Variants in CUX1 observed in about 807,000 individuals in gnomAD.
The protein encoded by CUX1 is protein CASP.
CUX1 carries 31 observed loss-of-function variants against 158.8 expected under a neutral mutation model. That is an observed-to-expected ratio of 0.20 (90% CI 0.15 to 0.26). CUX1 has a LOEUF of 0.26. CUX1 is among the 10% of genes least tolerant of loss of function. The pLI is 1.00. For synonymous variants in CUX1, 879 were observed against 862.1 expected (o/e 1.02, Z -0.34); for missense variants, 1,589 against 2,014.6 (o/e 0.79, Z 4.04).
chr7:101,884,193 C>CAAA (rs1799995738), intron 1 of CUX1, among the ~76,000 whole-genome samples: 1 of 152,134 alleles, frequency 6.6e-6, no homozygotes, highest in South Asian at 2.1e-4. Context: ...TGCTTTTGGC[C>CAAA]AATTTTTAGT....
intron 2 of CUX1, among the ~76,000 whole-genome samples, chr7:102,027,302 G>A (rs1820158319): frequency 6.6e-6 from 1 of 152,142 alleles, no homozygotes; most frequent in Non-Finnish European, 1.5e-5. Flanking sequence ...AAACCCAGAA[G>A]GCAGAGGTTG....
chr7:102,009,383 T>G (rs1460899886), intron 2 of CUX1, among the ~76,000 whole-genome samples: 2 of 152,182 alleles, frequency 1.3e-5, no homozygotes, highest in African/African-American at 2.4e-5. Flanking sequence ...ATGTACACAC[T>G]GAAGAAAGGC....
rs782099559 is a variant in CUX1, at chr7:102,227,551, G to T, written c.3315G>T (p.Pro1105=). The change falls in exon 21 of 24, where the codon CCG becomes CCT. Residue 1105 remains proline (P), a synonymous_variant. Coordinates refer to ENST00000292535, the MANE Select transcript of CUX1 (RefSeq NM_181552.4). ...PPASDSQPTT[P]LPLSGHSALS... is the part of the protein sequence containing the mutation. Reference sequence around the variant, plus strand: ...CATCCGACTCCCAGCCCACAACCCCGCTGCCTCTCTCCGGACACTCGGCCC... The same window carrying T: ...CATCCGACTCCCAGCCCACAACCCCTCTGCCTCTCTCCGGACACTCGGCCC... The T allele has an allele frequency of 1.9e-6, 3 of 1,614,082 alleles. No individual in the cohort carries two copies. In the African/African-American group the frequency reaches 4.0e-5, roughly 22 times the overall value.
chr7:101,915,686 G>C (rs1804109639), intron 1 of CUX1, among the ~76,000 whole-genome samples: 1 of 152,174 alleles, frequency 6.6e-6, no homozygotes, highest in Non-Finnish European at 1.5e-5. Flanking sequence ...GGATAGATCA[G>C]CAGAAGGACT....
intron 2 of CUX1, among the ~76,000 whole-genome samples, chr7:101,956,020 A>C (rs1371464602): frequency 7.2e-5 from 11 of 152,008 alleles, no homozygotes; most frequent in Admixed American, 7.2e-4. Context: ...GTCTCTACTA[A>C]AAATACAAAA....
In CUX1 at chr7:102,248,884, A is replaced by C. The variant is rs1485168101; in HGVS notation, c.4360A>C (p.Ser1454Arg). 7.2e-7 allele frequency: 1 copy of C among 1,382,122 alleles called. No individual in the cohort carries two copies. The highest frequency in any genetic ancestry group is 9.4e-7 in the Non-Finnish European group (1 of 1,060,072). 85.6% of individuals were successfully genotyped at this position (1,382,122 alleles called of 1,614,324 possible). ...CAGCAGCAGCGCCCCCCGCAGGCCC[A>C]GCTCGCTGCAGAGCCTTTTCGGCCT... ...SSSSSAPRRP[S>R]SLQSLFGLPE... The change falls in exon 24 of 24, where the codon AGC becomes CGC. Residue 1454 changes from serine to arginine, a missense_variant. Transcript: ENST00000292535. The surrounding 1 kb of genome is among the most constrained non-coding windows in gnomAD (Gnocchi z 5.8).
At chr7:102,008,067 C>T (rs979897363) in intron 2 of CUX1, among the ~76,000 whole-genome samples, 4 of 152,256 alleles carry the variant, frequency 2.6e-5, no homozygotes, top group Admixed American at 6.5e-5. Flanking sequence ...TTGTATTTCC[C>T]AGCTGGTATC....
chr7:101,882,622 T>C (rs978011601), intron 1 of CUX1, among the ~76,000 whole-genome samples: 3 of 152,210 alleles, frequency 2.0e-5, no homozygotes, highest in African/African-American at 7.2e-5. Context: ...CAGGGCCTGG[T>C]TCACTCAGCA....
chr7:102,057,582 A>C (rs962000885), intron 3 of CUX1, among the ~76,000 whole-genome samples: 2 of 152,190 alleles, frequency 1.3e-5, no homozygotes, highest in African/African-American at 2.4e-5. Flanking sequence ...TGAGGGGTTC[A>C]AGGCTTCAGT....
At chr7:102,200,673 C>A (rs1385846622) in intron 17 of CUX1, among the ~76,000 whole-genome samples, 2 of 151,774 alleles carry the variant, frequency 1.3e-5, no homozygotes, top group African/African-American at 4.8e-5. Context: ...AATTACGCTC[C>A]TTAACTTTGA....
chr7:101,857,127 T>G (rs1796936719), intron 1 of CUX1, among the ~76,000 whole-genome samples: 1 of 152,208 alleles, frequency 6.6e-6, no homozygotes, highest in Non-Finnish European at 1.5e-5. Flanking sequence ...GCCTGCGCCA[T>G]GTTCCTGCCC....
rs373275150 is a variant in CUX1 at position 102,201,841 on chromosome 7, C to A, written c.2544C>A (p.Gly848=). ...SEEAKAEETG[G]GKEKGSGGSG... ...AGGCCAAGGCCGAAGAAACGGGCGG[C>A]GGGAAAGAGAAGGGCAGCGGTGGCA... The change falls in exon 18 of 24, where the codon GGC becomes GGA. Residue 848 remains glycine, a synonymous_variant. Transcript: ENST00000292535. This position sits in a 1 kb window ranked among gnomAD's most constrained non-coding sequence, Gnocchi z 5.0. 1 of 1,612,924 alleles carries A rather than the reference C, an allele frequency of 6.2e-7. No homozygotes were observed. Among genetic ancestry groups the A allele is most frequent in the South Asian group, 1.1e-5 (1 of 91,068 alleles).
At chr7:102,138,450 C>T (rs1426991461) in intron 8 of CUX1, among the ~76,000 whole-genome samples, 4 of 152,098 alleles carry the variant, frequency 2.6e-5, no homozygotes, top group African/African-American at 7.2e-5. Flanking sequence ...CTCTGAATGT[C>T]CCCTGAGCCT....
At chr7:101,870,160 T>G (rs1009164916) in intron 1 of CUX1, among the ~76,000 whole-genome samples, 18 of 148,980 alleles carry the variant, frequency 1.2e-4, no homozygotes, top group South Asian at 2.1e-4. Context: ...TTTGTTTTTT[T>G]TTTTTTTTTT....
At chr7:102,208,530 C>T (rs1159970835) in intron 20 of CUX1, among the ~76,000 whole-genome samples, 3 of 152,194 alleles carry the variant, frequency 2.0e-5, no homozygotes, top group Non-Finnish European at 2.9e-5. Flanking sequence ...CATGAGCCAC[C>T]GTGCCCCACC....
chr7:102,155,332 C>G (rs1789625505), intron 8 of CUX1, among the ~76,000 whole-genome samples: 2 of 151,138 alleles, frequency 1.3e-5, no homozygotes, highest in Non-Finnish European at 2.9e-5. Context: ...TGGCTTGAGC[C>G]CAGGAGTTTA....
At chr7:101,928,527 C>T (rs557518406) in intron 2 of CUX1, among the ~76,000 whole-genome samples, 4 of 151,474 alleles carry the variant, frequency 2.6e-5, no homozygotes, top group African/African-American at 9.7e-5. Flanking sequence ...CCTGCCACCA[C>T]GCCTGGCTAA....
At chr7:102,241,010 G>A (rs1240182331) in intron 23 of CUX1, among the ~76,000 whole-genome samples, 3 of 152,020 alleles carry the variant, frequency 2.0e-5, no homozygotes, top group African/African-American at 4.8e-5. Context: ...TAGTAGAGAC[G>A]GGTTTCATCA....
intron 20 of CUX1, among the ~76,000 whole-genome samples, chr7:102,205,719 G>A (rs886930197): frequency 6.6e-6 from 1 of 152,166 alleles, no homozygotes; most frequent in Non-Finnish European, 1.5e-5. Context: ...GGAGCAGGTG[G>A]TGGCGGAGAG....
Sources: gnomAD v4.1 joint callset for allele counts (sites outside exome capture counted in the v4.1 genomes callset) on GRCh38, gnomAD v4.1.1 for gene constraint, Gnocchi (gnomAD v3.1) non-coding constraint, MANE v1.5 for transcripts, NCBI Gene and HGNC (gene_info 2026-07-23, HGNC 2026-07-21) for gene names.